IL31RA: variants seen among roughly 807,000 people sequenced by gnomAD.
IL31RA encodes interleukin-31 receptor subunit alpha.
Under a neutral mutation model 83.7 loss-of-function variants are expected in IL31RA, and 66 were observed. That is an observed-to-expected ratio of 0.79 (90% confidence interval 0.65 to 0.97). The LOEUF (loss-of-function observed/expected upper bound fraction) is 0.97, where lower values mean the gene tolerates loss of function less well. Among genes scored for constraint, IL31RA ranks in the 50% least tolerant of loss-of-function variants. The probability of loss-of-function intolerance (pLI) is 0.00; values close to 1 mark genes in which losing one functional copy is unlikely to be tolerated. For missense variants in IL31RA, 798 were observed against 919.4 expected, an observed-to-expected ratio of 0.87 and a Z score of 1.71; for synonymous variants, 325 against 329.0, an observed-to-expected ratio of 0.99 and a Z score of 0.13.
chr5:55,895,900 T>C (rs2112497725), intron 6 of IL31RA, among the ~76,000 whole-genome samples: 1 of 152,328 alleles, frequency 6.6e-6, no homozygotes, highest in East Asian at 1.9e-4. Flanking sequence ...AATTTTTTCT[T>C]TTATTTTATA....
chr5:55,860,332 G>T (rs1745601741), intron 2 of IL31RA, among the ~76,000 whole-genome samples: 2 of 151,312 alleles, frequency 1.3e-5, no homozygotes, highest in African/African-American at 4.9e-5. Context: ...TTGTGCCACG[G>T]CACTCCAGCC....
chr5:55,922,716 C>T lies in IL31RA; in HGVS notation c.*5596C>T. On this transcript the variant is annotated 3_prime_UTR_variant, in exon 15 of 15. Transcript: ENST00000652347. ...CCTTTCATACAAAAAAGCCATAATA[C>T]CATTTTCATGTAATGCTATACTTCT... The T allele has an allele frequency of 2.2e-6, 1 of 445,448 alleles. No individual in the cohort carries two copies. Among genetic ancestry groups the T allele is most frequent in the Non-Finnish European group, 4.0e-6 (1 of 251,864 alleles). 27.6% of individuals were successfully genotyped at this position (445,448 alleles called of 1,614,324 possible). A position where few individuals can be genotyped will look rare whatever the true frequency, so the allele number is the denominator to read the frequency against.
chr5:55,915,039 G>C, intron 14 of IL31RA, 111 bp downstream of exon 14: 1 of 830,152 alleles, frequency 1.2e-6, no homozygotes, highest in South Asian at 1.4e-5. Context: ...CACATCAAGA[G>C]AACTGGAGTT....
At chr5:55,902,566 G>A (rs1485405172) in intron 8 of IL31RA, 1 of 152,112 alleles carries the variant, frequency 6.6e-6, no homozygotes, top group African/African-American at 2.4e-5. Flanking sequence ...GAGCCAAAGA[G>A]GTTGAGGCTG....
intron 6 of IL31RA, among the ~76,000 whole-genome samples, chr5:55,894,365 A>C (rs1181385103): frequency 6.6e-6 from 1 of 152,168 alleles, no homozygotes; most frequent in Non-Finnish European, 1.5e-5. Flanking sequence ...TTCCTGTCTG[A>C]GAAATTTGAG....
At chr5:55,872,175 A>AG in intron 3 of IL31RA, 95 bp from the exon 4 acceptor site, 1 of 946,072 alleles carries the variant, frequency 1.1e-6, no homozygotes, top group Non-Finnish European at 1.7e-6. Flanking sequence ...GAAAACCCAG[A>AG]GAAAAACTAA....
At chr5:55,858,959 A>G (rs1221422137) in intron 1 of IL31RA, among the ~76,000 whole-genome samples, 2 of 152,220 alleles carry the variant, frequency 1.3e-5, no homozygotes, top group Non-Finnish European at 2.9e-5. Context: ...CACATGATAT[A>G]GTGGGGCATG....
At chr5:55,880,108 A>ACAAAATGATTCAC (rs1483640895) in intron 4 of IL31RA, among the ~76,000 whole-genome samples, 2 of 152,210 alleles carry the variant, frequency 1.3e-5, no homozygotes, top group African/African-American at 4.8e-5. Flanking sequence ...AGAGGATTCA[A>ACAAAATGATTCAC]CAAAATGATT....
At chr5:55,901,586 CATTATTATTAT>C (rs1748806993) in intron 8 of IL31RA, among the ~76,000 whole-genome samples, 1 of 144,916 alleles carries the variant, frequency 6.9e-6, no homozygotes, top group African/African-American at 2.5e-5. Context: ...TTACTATTGT[CATTATTATTAT>C]TATTATTATT....
chr5:55,900,168 G>T (rs1401647933), intron 8 of IL31RA, 36 bp downstream of exon 8: 6 of 1,476,282 alleles, frequency 4.1e-6, no homozygotes. Flanking sequence ...TAGGTGCCTG[G>T]TCCCATCAAT....
chr5:55,870,155 G>A (rs1371276963), intron 3 of IL31RA, among the ~76,000 whole-genome samples: 1 of 152,206 alleles, frequency 6.6e-6, no homozygotes, highest in Non-Finnish European at 1.5e-5. Context: ...CACTCATACA[G>A]CTATAGGCAA....
the IL31RA span, chr5:55,839,978 G>A: frequency 8.1e-5 from 49 of 607,188 alleles, no homozygotes; most frequent in South Asian, 5.3e-4. Context: ...AGGGCAAGCC[G>A]TGGACCTTCA....
intron 6 of IL31RA, 142 bp from the exon 7 acceptor site, chr5:55,896,207 GC>G: frequency 1.4e-6 from 1 of 707,442 alleles, no homozygotes; most frequent in Non-Finnish European, 2.7e-6. Flanking sequence ...TTTGGTCATT[GC>G]AAAGCTGCCA....
upstream of IL31RA, among the ~76,000 whole-genome samples, chr5:55,848,393 G>C (rs770291416): frequency 3.5e-4 from 53 of 151,994 alleles, no homozygotes; most frequent in Non-Finnish European, 5.7e-4. Context: ...TGCTCAAATT[G>C]TTCTGGCTTT....
chr5:55,891,045 GATT>G (rs1017410128), intron 6 of IL31RA, among the ~76,000 whole-genome samples: 4 of 152,180 alleles, frequency 2.6e-5, no homozygotes, highest in African/African-American at 9.7e-5. Flanking sequence ...TTATTTTAAA[GATT>G]AAATGAAATA....
Position 55,917,247 on chromosome 5 carries a change from C to T in IL31RA, c.*127C>T. The T allele has an allele frequency of 6.3e-7, 1 of 1,582,806 alleles. No homozygotes were observed. Among genetic ancestry groups the T allele is most frequent in the Non-Finnish European group, 8.5e-7 (1 of 1,171,078 alleles). The stretch of plus-strand genomic sequence containing the variant: ...CCTGCCTAGGTTAAAGTTTCCCCTG[C>T]CCCTTGAGCTGCCAGTTGAACTTGG... On this transcript the variant is annotated 3_prime_UTR_variant, in exon 15 of 15. Coordinates refer to ENST00000652347, the MANE Select transcript of IL31RA (RefSeq NM_139017.7).
upstream of IL31RA, among the ~76,000 whole-genome samples, chr5:55,846,811 T>G (rs1744938496): frequency 6.6e-6 from 1 of 151,498 alleles, no homozygotes; most frequent in African/African-American, 2.4e-5. Flanking sequence ...AATCTATATT[T>G]TATGATGTTA....
intron 12 of IL31RA, among the ~76,000 whole-genome samples, chr5:55,912,782 C>T (rs1040824462): frequency 2.0e-5 from 3 of 151,956 alleles, no homozygotes; most frequent in South Asian, 2.1e-4. Flanking sequence ...GGCAACAGAG[C>T]GAGACTCCAT....
the IL31RA span, among the ~76,000 whole-genome samples, chr5:55,842,367 C>G: frequency 6.6e-6 from 1 of 152,142 alleles, no homozygotes; most frequent in Admixed American, 6.5e-5. Context: ...CTGTGGGCCA[C>G]TATTGGACCC....
Sources: gnomAD v4.1 joint callset for allele counts (sites outside exome capture counted in the v4.1 genomes callset) on GRCh38, gnomAD v4.1.1 for gene constraint, MANE v1.5 for transcripts, NCBI Gene and HGNC (gene_info 2026-07-23, HGNC 2026-07-21) for gene names.